Variants in TNS1 observed in about 807,000 individuals in gnomAD.
TNS1 encodes tensin-1.
Under a neutral mutation model 168.6 loss-of-function variants are expected in TNS1, and 62 were observed. That is an observed-to-expected ratio of 0.37 (90% CI 0.30 to 0.45). The LOEUF (loss-of-function observed/expected upper bound fraction) is 0.45, where lower values mean the gene tolerates loss of function less well. TNS1 is among the 20% of genes least tolerant of loss of function. TNS1 has a pLI of 1.00. For synonymous variants in TNS1, 934 were observed against 933.2 expected (o/e 1.00, Z -0.02); for missense variants, 2,240 against 2,339.4 (o/e 0.96, Z 0.88).
intron 3 of TNS1, among the ~76,000 whole-genome samples, chr2:217,978,189 C>G (rs1479624406): frequency 6.6e-6 from 1 of 152,162 alleles, no homozygotes; most frequent in Non-Finnish European, 1.5e-5. Context: ...AGAAAATACT[C>G]ATGGGGAAAT....
At chr2:218,028,914 G>A (rs115304296) in intron 1 of TNS1, among the ~76,000 whole-genome samples, 2,056 of 152,300 alleles carry the variant, frequency 0.013, 51 homozygotes, top group African/African-American at 0.047. Flanking sequence ...CACAGGCTGC[G>A]GCCCCTCTGG....
At chr2:217,962,885 C>G (rs1004073402) in intron 3 of TNS1, among the ~76,000 whole-genome samples, 1 of 152,168 alleles carries the variant, frequency 6.6e-6, no homozygotes, top group Admixed American at 6.5e-5. Context: ...GGTGGGAACA[C>G]TGGCCAAATT....
In TNS1 at chr2:217,817,456, TATC is replaced by T. The variant is rs367968689; in HGVS notation, c.4642+231_4642+233del. ...CAGTAATACTATTCATTATGATTTT[TATC>T]ATCCTCATCTGTATCCACATCCTCA... On this transcript the variant is annotated intron_variant, in intron 24 of 32. Coordinates refer to ENST00000682258, the MANE Select transcript of TNS1 (RefSeq NM_001387777.1). 1.2e-4 allele frequency among the ~76,000 whole-genome samples: 19 copies of T among 152,308 alleles called. No individual in the cohort carries two copies. In the East Asian group the frequency reaches 3.5e-3, roughly 28 times the overall value.
At chr2:217,808,740 G>A in intron 30 of TNS1, 69 bp from the exon 31 acceptor site, 6 of 1,442,604 alleles carry the variant, frequency 4.2e-6, no homozygotes, top group Non-Finnish European at 5.8e-6. Context: ...CCTTCCACCA[G>A]CAGGTCAGGC....
At chr2:217,886,721 A>G (rs1559302349) in intron 12 of TNS1, 75 bp from the exon 13 acceptor site, 1 of 1,199,080 alleles carries the variant, frequency 8.3e-7, no homozygotes, top group East Asian at 2.6e-5. Context: ...CTCTTTTCCA[A>G]GAACATTGCC....
chr2:217,850,242 A>C (rs1947277822), intron 18 of TNS1: 6 of 985,308 alleles, frequency 6.1e-6, no homozygotes, highest in Admixed American at 6.1e-5. Flanking sequence ...GGGCTCAGCC[A>C]AGCCAACAGT....
intron 18 of TNS1, among the ~76,000 whole-genome samples, chr2:217,879,112 G>A (rs1026815720): frequency 2.6e-5 from 4 of 152,178 alleles, no homozygotes; most frequent in Admixed American, 1.3e-4. Flanking sequence ...CACTCTGACC[G>A]TCTGCTCTTC....
chr2:217,863,547 C>G (rs1948989280), intron 18 of TNS1, among the ~76,000 whole-genome samples: 1 of 152,096 alleles, frequency 6.6e-6, no homozygotes, highest in South Asian at 2.1e-4. Context: ...GATGAAGGAG[C>G]CTGGGGTGTA....
At chr2:217,858,381 C>A (rs936316966) in intron 18 of TNS1, 4 of 343,036 alleles carry the variant, frequency 1.2e-5, no homozygotes, top group African/African-American at 2.2e-5. Context: ...CGTGACAGAG[C>A]CTGCCCCTCC....
At chr2:217,940,209 G>C (rs1956842006) in intron 3 of TNS1, among the ~76,000 whole-genome samples, 1 of 152,214 alleles carries the variant, frequency 6.6e-6, no homozygotes. Context: ...ACAAAGTCTA[G>C]GCCAGTCCTC....
intron 4 of TNS1, among the ~76,000 whole-genome samples, chr2:217,918,340 T>C (rs1463535500): frequency 6.6e-6 from 1 of 152,148 alleles, no homozygotes; most frequent in Non-Finnish European, 1.5e-5. Context: ...CCTCGCTCTT[T>C]ACCGCTGGGG....
At chr2:217,814,029 C>T in intron 25 of TNS1, 1 of 427,408 alleles carries the variant, frequency 2.3e-6, no homozygotes, top group South Asian at 3.5e-5. Flanking sequence ...TGAGACCGGG[C>T]CTCACTCTGT....
chr2:217,819,954 G>A (rs954835859), intron 23 of TNS1, among the ~76,000 whole-genome samples: 5 of 152,152 alleles, frequency 3.3e-5, no homozygotes, highest in African/African-American at 1.2e-4. Flanking sequence ...TTCACGGGGT[G>A]ATATGAGGTT....
At chr2:217,936,995 G>A in intron 3 of TNS1, 1 of 456,880 alleles carries the variant, frequency 2.2e-6, no homozygotes, top group South Asian at 1.5e-5. Context: ...CTGGGCCTCT[G>A]CACATGCCTT....
intron 24 of TNS1, among the ~76,000 whole-genome samples, chr2:217,817,037 C>T (rs529038176): frequency 7.9e-5 from 12 of 152,106 alleles, no homozygotes; most frequent in South Asian, 2.1e-4. Context: ...GCATGAGTTT[C>T]GATGAAGTTG....
At chr2:217,824,622 G>C (rs1943352403) in intron 22 of TNS1, among the ~76,000 whole-genome samples, 1 of 152,188 alleles carries the variant, frequency 6.6e-6, no homozygotes, top group African/African-American at 2.4e-5. Flanking sequence ...AATAGTTTCA[G>C]TGAGTGTCTT....
At chr2:217,891,968 G>A (rs749921841) in intron 11 of TNS1, among the ~76,000 whole-genome samples, 12 of 152,154 alleles carry the variant, frequency 7.9e-5, no homozygotes, top group Admixed American at 1.3e-4. Context: ...ACTCTTTCAC[G>A]ATAATTATCA....
chr2:217,856,081 G>A (rs1193859076), intron 18 of TNS1, among the ~76,000 whole-genome samples: 1 of 152,184 alleles, frequency 6.6e-6, no homozygotes, highest in Non-Finnish European at 1.5e-5. Flanking sequence ...TGGATCCCAA[G>A]ATACAACATA....
At position 217,956,230 on chromosome 2, in the gene TNS1, T is replaced by G. The variant is rs372131390; in HGVS notation, c.186+22535A>C. On this transcript the variant is annotated intron_variant, in intron 3 of 32. Transcript: ENST00000682258. ...ATTGCCCAGGCTGGTCTTGAACTCC[T>G]GGGCTAAAGGGATCCTCCCACCTCA... 1.9e-3 allele frequency among the ~76,000 whole-genome samples: 291 copies of G among 152,228 alleles called. 1 individual carries two copies. Among genetic ancestry groups the G allele is most frequent in the African/African-American group, 6.5e-3 (272 of 41,530 alleles).
Sources: allele counts gnomAD v4.1 joint callset (sites outside exome capture counted in the v4.1 genomes callset), GRCh38; gene constraint gnomAD v4.1.1; transcripts MANE v1.5; gene names NCBI Gene and HGNC (gene_info 2026-07-23, HGNC 2026-07-21).